PHF24: variants seen among roughly 807,000 people sequenced by gnomAD.
PHF24 encodes Galpha inhibitory interacting protein.
In PHF24, 25 loss-of-function variants were observed where a neutral mutation model predicts 42.6. The observed-to-expected ratio is 0.59, with a 90% CI of 0.43 to 0.82. The LOEUF is 0.82. Ranked by LOEUF, PHF24 falls within the 40% of genes least tolerant of loss-of-function variation. The probability of loss-of-function intolerance (pLI) is 0.00; values close to 1 mark genes in which losing one functional copy is unlikely to be tolerated. For synonymous variants in PHF24, 185 were observed against 204.8 expected, an observed-to-expected ratio of 0.90 and a Z score of 0.83; for missense variants, 470 against 538.1, an observed-to-expected ratio of 0.87 and a Z score of 1.25.
the PHF24 span, among the ~76,000 whole-genome samples, chr9:34,825,871 C>A: frequency 6.6e-6 from 1 of 152,166 alleles, no homozygotes; most frequent in Non-Finnish European, 1.5e-5. Flanking sequence ...CAATTTACTG[C>A]AAGGAGGGCT....
In PHF24 at chr9:34,958,954, G is replaced by T. The variant is rs1306048892; in HGVS notation, c.-5+553G>T. Among the ~76,000 whole-genome samples the T allele has an allele frequency of 6.6e-6, 1 of 152,196 alleles. No homozygotes were observed. The highest frequency in any genetic ancestry group is 1.5e-5 in the Non-Finnish European group (1 of 68,028). ...TTGGCCTCCACCGGGATCCCTGTAG[G>T]GTTCCATGTGCCCTTACTTGTATCC... On this transcript the variant is annotated intron_variant, in intron 1 of 7. Transcript: ENST00000242315. This position sits in a 1 kb window ranked among gnomAD's most constrained non-coding sequence, Gnocchi z 4.5.
At chr9:34,982,114 T>G (rs1372619254) in exon 8 of PHF24, 1 of 152,176 alleles carries the variant, frequency 6.6e-6, no homozygotes, top group African/African-American at 2.4e-5. Flanking sequence ...GGCCAGTGAC[T>G]AAGAAGCCCA....
chr9:34,933,382 G>A, the PHF24 span, among the ~76,000 whole-genome samples: 3 of 152,118 alleles, frequency 2.0e-5, no homozygotes, highest in South Asian at 6.2e-4. Context: ...CACTGGCCAT[G>A]TAAAAATTCT....
the PHF24 span, among the ~76,000 whole-genome samples, chr9:34,848,192 T>C: frequency 1.3e-5 from 2 of 151,696 alleles, no homozygotes; most frequent in East Asian, 1.9e-4. Flanking sequence ...TTCCTCCTTG[T>C]ACCTCTGGTA....
the PHF24 span, among the ~76,000 whole-genome samples, chr9:34,818,649 T>G: frequency 9.9e-5 from 15 of 152,204 alleles, no homozygotes; most frequent in Non-Finnish European, 1.9e-4. Context: ...GTAATTTGCC[T>G]CTTTTAGCAT....
chr9:34,884,015 C>G, the PHF24 span, among the ~76,000 whole-genome samples: 1 of 152,180 alleles, frequency 6.6e-6, no homozygotes, highest in South Asian at 2.1e-4. Flanking sequence ...CACATATACA[C>G]CATGGAATAC....
chr9:34,902,991 T>C, the PHF24 span, among the ~76,000 whole-genome samples: 1 of 152,216 alleles, frequency 6.6e-6, no homozygotes. Flanking sequence ...TAACCCTGAC[T>C]GAGCAGCATT....
At chr9:34,940,789 T>A in the PHF24 span, among the ~76,000 whole-genome samples, 2 of 152,204 alleles carry the variant, frequency 1.3e-5, no homozygotes, top group Non-Finnish European at 2.9e-5. Context: ...TCCAACTGTG[T>A]CACTTAGATT....
the PHF24 span, among the ~76,000 whole-genome samples, chr9:34,943,857 G>A: frequency 6.6e-6 from 1 of 152,322 alleles, no homozygotes; most frequent in East Asian, 1.9e-4. Context: ...GCCCAGCTCT[G>A]TAACCACCTC....
the PHF24 span, among the ~76,000 whole-genome samples, chr9:34,942,411 T>C: frequency 6.6e-6 from 1 of 152,178 alleles, no homozygotes; most frequent in Non-Finnish European, 1.5e-5. Context: ...CCCTAAAAAT[T>C]TCACTGAAGT....
At chr9:34,759,246 A>G in the PHF24 span, among the ~76,000 whole-genome samples, 2 of 151,928 alleles carry the variant, frequency 1.3e-5, no homozygotes, top group Non-Finnish European at 2.9e-5. Flanking sequence ...GTTCACCCCC[A>G]CTCACTAGTT....
chr9:34,820,382 T>TTCCACCC, the PHF24 span, among the ~76,000 whole-genome samples: 3 of 152,126 alleles, frequency 2.0e-5, no homozygotes, highest in Non-Finnish European at 2.9e-5. Flanking sequence ...CTCACCCTCC[T>TTCCACCC]TCCACCCTCC....
the PHF24 span, among the ~76,000 whole-genome samples, chr9:34,936,053 CTCTCCCTCTCCCTCTCCCCACGG>C: frequency 2.0e-5 from 3 of 151,552 alleles, no homozygotes; most frequent in Middle Eastern, 3.4e-3. Flanking sequence ...CTCCCACCCC[CTCTCCCTCTCCCTCTCCCCACGG>C]TCTCCCTCTC....
chr9:34,926,536 C>G, the PHF24 span, among the ~76,000 whole-genome samples: 1 of 152,204 alleles, frequency 6.6e-6, no homozygotes, highest in Non-Finnish European at 1.5e-5. The surrounding 1 kb of genome is among the most constrained non-coding windows in gnomAD (Gnocchi z 4.3). Flanking sequence ...CAGTGGGTGG[C>G]CCACAGGGTT....
At chr9:34,693,146 C>T in the PHF24 span, among the ~76,000 whole-genome samples, 1 of 152,178 alleles carries the variant, frequency 6.6e-6, no homozygotes. Flanking sequence ...CATCCATCCA[C>T]CCCTCTTTCC....
At chr9:34,811,167 C>G in the PHF24 span, among the ~76,000 whole-genome samples, 3 of 152,160 alleles carry the variant, frequency 2.0e-5, no homozygotes, top group Non-Finnish European at 4.4e-5. Context: ...ACCAAGGTTA[C>G]AAAGATTAAA....
the PHF24 span, among the ~76,000 whole-genome samples, chr9:34,683,382 A>G: frequency 6.6e-6 from 1 of 152,204 alleles, no homozygotes; most frequent in Non-Finnish European, 1.5e-5. Context: ...TTTCAAAACA[A>G]CTTGGAGGCT....
the PHF24 span, among the ~76,000 whole-genome samples, chr9:34,947,844 C>T: frequency 6.6e-6 from 1 of 152,006 alleles, no homozygotes; most frequent in Admixed American, 6.6e-5. Context: ...CGCGGTGGCT[C>T]ACACCTGTAA....
the PHF24 span, among the ~76,000 whole-genome samples, chr9:34,913,273 C>A: frequency 6.6e-6 from 1 of 151,948 alleles, no homozygotes; most frequent in Non-Finnish European, 1.5e-5. Flanking sequence ...AAAATATATG[C>A]GATGATATAA....
Sources: gnomAD v4.1 joint callset for allele counts (sites outside exome capture counted in the v4.1 genomes callset) on GRCh38, gnomAD v4.1.1 for gene constraint, Gnocchi (gnomAD v3.1) non-coding constraint, MANE v1.5 for transcripts, NCBI Gene and HGNC (gene_info 2026-07-23, HGNC 2026-07-21) for gene names.